Variants in PPP6R2 observed in about 807,000 individuals in gnomAD.
PPP6R2 encodes serine/threonine-protein phosphatase 6 regulatory subunit 2.
Under a neutral mutation model 100.2 loss-of-function variants are expected in PPP6R2, and 62 were observed. The observed-to-expected ratio is 0.62, with a 90% CI of 0.50 to 0.76. The LOEUF is 0.76. PPP6R2 is among the 30% of genes least tolerant of loss of function. PPP6R2 has a pLI of 0.00. For missense variants in PPP6R2, 1,142 were observed against 1,276.3 expected (o/e 0.89, Z 1.60); for synonymous variants, 525 against 514.7 (o/e 1.02, Z -0.27).
chr22:50,433,359 C>T (rs113456080), intron 12 of PPP6R2, among the ~76,000 whole-genome samples: 9 of 80,640 alleles, frequency 1.1e-4, no homozygotes, highest in Admixed American at 1.4e-4. Context: ...GCTGGGGGCG[C>T]GGACGCTGGG....
At chr22:50,419,166 C>T (rs568782566) in intron 7 of PPP6R2, among the ~76,000 whole-genome samples, 183 bp from the exon 8 acceptor site, 1 of 152,244 alleles carries the variant, frequency 6.6e-6, no homozygotes, top group Non-Finnish European at 1.5e-5. Flanking sequence ...AGAGGAGTCA[C>T]CTGGTGGGTC....
At chr22:50,421,782 C>A (rs1301168364) in intron 8 of PPP6R2, among the ~76,000 whole-genome samples, 2 of 152,064 alleles carry the variant, frequency 1.3e-5, no homozygotes, top group Non-Finnish European at 2.9e-5. Flanking sequence ...GCAGGAGAAT[C>A]GCTTGAACCC....
chr22:50,362,547 G>A (rs944101673), intron 1 of PPP6R2, among the ~76,000 whole-genome samples: 2 of 152,142 alleles, frequency 1.3e-5, no homozygotes, highest in Non-Finnish European at 2.9e-5. Flanking sequence ...ATCCTTAGTT[G>A]GTGGAAGGGC....
intron 2 of PPP6R2, 126 bp from the exon 3 acceptor site, chr22:50,393,767 G>A: frequency 6.7e-7 from 1 of 1,501,652 alleles, no homozygotes; most frequent in Non-Finnish European, 8.9e-7. Context: ...TCCAGGACTT[G>A]GGTCTAGTGT....
the PPP6R2 span, among the ~76,000 whole-genome samples, chr22:50,333,269 T>A: frequency 6.6e-6 from 1 of 152,190 alleles, no homozygotes; most frequent in Non-Finnish European, 1.5e-5. Context: ...TTCTGTCCTG[T>A]CTTCATTATT....
intron 2 of PPP6R2, among the ~76,000 whole-genome samples, chr22:50,389,966 G>T (rs2055101797): frequency 6.6e-6 from 1 of 150,658 alleles, no homozygotes; most frequent in African/African-American, 2.4e-5. Flanking sequence ...GTTATGCGGA[G>T]ATTTTTTTCT....
At chr22:50,339,545 GGTGT>G (rs1318470823), upstream of PPP6R2, among the ~76,000 whole-genome samples, 17 of 122,692 alleles carry the variant, frequency 1.4e-4, no homozygotes, top group African/African-American at 5.0e-4. Flanking sequence ...GTGTGTGTGT[GGTGT>G]GTGTGTGGTG....
intron 2 of PPP6R2, among the ~76,000 whole-genome samples, chr22:50,380,718 G>A (rs1310071567): frequency 4.6e-5 from 7 of 150,912 alleles, no homozygotes; most frequent in African/African-American, 7.3e-5. Flanking sequence ...GGCCGGGTGC[G>A]GTGGCTCACG....
At chr22:50,374,642 G>A (rs116921674) in intron 2 of PPP6R2, among the ~76,000 whole-genome samples, 56 of 152,244 alleles carry the variant, frequency 3.7e-4, no homozygotes, top group Non-Finnish European at 7.4e-4. Flanking sequence ...CCAGCCAGGT[G>A]CAGTAGTTCA....
intron 10 of PPP6R2, among the ~76,000 whole-genome samples, chr22:50,426,350 A>G (rs1403732158): frequency 6.6e-6 from 1 of 152,214 alleles, no homozygotes; most frequent in Non-Finnish European, 1.5e-5. Context: ...TCGGTGTCAT[A>G]TCCAAAAAAG....
intron 2 of PPP6R2, among the ~76,000 whole-genome samples, chr22:50,382,122 G>A (rs2053205024): frequency 6.6e-6 from 1 of 152,074 alleles, no homozygotes; most frequent in African/African-American, 2.4e-5. Flanking sequence ...AGTGATGGAA[G>A]TCTTAGCCCA....
At chr22:50,372,973 C>A (rs1441838857) in intron 2 of PPP6R2, among the ~76,000 whole-genome samples, 3 of 152,022 alleles carry the variant, frequency 2.0e-5, no homozygotes, top group African/African-American at 4.8e-5. Context: ...AGGCGTGAGC[C>A]ACCGCGCCCT....
intron 3 of PPP6R2, among the ~76,000 whole-genome samples, chr22:50,401,066 TTTTG>T (rs1265716971): frequency 6.6e-6 from 1 of 152,140 alleles, no homozygotes; most frequent in Non-Finnish European, 1.5e-5. Flanking sequence ...TACCATTATT[TTTTG>T]TTTGTTTTTT....
At chr22:50,425,520 C>T (rs2061971273) in intron 10 of PPP6R2, among the ~76,000 whole-genome samples, 2 of 152,322 alleles carry the variant, frequency 1.3e-5, no homozygotes, top group South Asian at 4.1e-4. Flanking sequence ...AGAAGTTCTT[C>T]TGGATAAATA....
intron 2 of PPP6R2, among the ~76,000 whole-genome samples, chr22:50,380,833 C>CA (rs1332140780): frequency 3.3e-5 from 5 of 150,920 alleles, no homozygotes; most frequent in Non-Finnish European, 5.9e-5. Flanking sequence ...ACTAAAAATA[C>CA]AAAAAATTAG....
In PPP6R2 at chr22:50,423,387, G is replaced by GC. The variant is rs2061590549; in HGVS notation, c.973-74dup. ...GCTGGGTCCCAGCCTAGAGTGATGG[G>GC]CATGAGCCCAGAGACTCCAGCAGTG... On this transcript the variant is annotated intron_variant, in intron 9 of 23. Coordinates refer to ENST00000612753, the MANE Select transcript of PPP6R2 (RefSeq NM_001242898.2). This position sits in a 1 kb window ranked among gnomAD's most constrained non-coding sequence, Gnocchi z 4.8. The GC allele has an allele frequency of 1.3e-6, 2 of 1,577,226 alleles. No homozygotes were observed. Among genetic ancestry groups the GC allele is most frequent in the South Asian group, 2.3e-5 (2 of 88,678 alleles).
intron 6 of PPP6R2, among the ~76,000 whole-genome samples, chr22:50,416,722 G>C (rs2147583933): frequency 6.6e-6 from 1 of 152,038 alleles, no homozygotes; most frequent in Non-Finnish European, 1.5e-5. Flanking sequence ...CAGCACTTGG[G>C]GAGGCTGAGG....
intron 4 of PPP6R2, among the ~76,000 whole-genome samples, chr22:50,411,753 A>T (rs1253407737): frequency 6.6e-6 from 1 of 151,502 alleles, no homozygotes; most frequent in Non-Finnish European, 1.5e-5. Context: ...GACTGTCTCA[A>T]ACAAAAACAA....
Position 50,423,567 on chromosome 22 carries a change from A to G in PPP6R2, c.1078A>G (p.Ser360Gly), listed in dbSNP as rs2061606731. 1.2e-6 allele frequency: 2 copies of G among 1,614,188 alleles called. No individual in the cohort carries two copies. Among genetic ancestry groups the G allele is most frequent in the African/African-American group, 1.3e-5 (1 of 75,056 alleles). ...AGCACTGCTGCACACAAACACACCC[A>G]GCATCAACCAGGAGCTCTGCCGGCT... is the stretch of plus-strand genomic sequence containing the variant. Reference protein sequence around the residue: ...MAALLHTNTPSINQELCRLNT... With the variant: ...MAALLHTNTPGINQELCRLNT... The change falls in exon 10 of 24, where the codon AGC (serine) becomes GGC (glycine). Residue 360 changes from serine to glycine, a missense_variant. Physicochemically the swap from Ser to Gly is moderately conservative, Grantham distance 56 (BLOSUM62 0). Around this residue, in one of 2 missense-constraint regions of PPP6R2, gnomAD observed 592 missense variants for 758.9 expected, o/e 0.78. Transcript: ENST00000612753. The surrounding 1 kb of genome is among the most constrained non-coding windows in gnomAD (Gnocchi z 4.8).
Sources: gnomAD v4.1 joint callset for allele counts (sites outside exome capture counted in the v4.1 genomes callset) on GRCh38, gnomAD v4.1.1 for gene constraint, gnomAD v4.1.1 regional missense constraint, Gnocchi (gnomAD v3.1) non-coding constraint, MANE v1.5 for transcripts, NCBI Gene and HGNC (gene_info 2026-07-23, HGNC 2026-07-21) for gene names.